The following DAB1 variants were observed in gnomAD, a reference collection of about 807,000 sequenced individuals.
DAB1 encodes the protein disabled homolog 1.
Under a neutral mutation model 64.6 loss-of-function variants are expected in DAB1, and 15 were observed. The ratio of observed to expected loss-of-function variants is 0.23; its 90% CI spans 0.16 to 0.36. DAB1 has a LOEUF of 0.36. Ranked by LOEUF, DAB1 falls within the 10% of genes least tolerant of loss-of-function variation. The pLI is 1.00. For synonymous variants in DAB1, 235 were observed against 251.9 expected (o/e 0.93, Z 0.64); for missense variants, 596 against 706.7 (o/e 0.84, Z 1.78).
chr1:58,066,121 T>C (rs1357731917), intron 5 of DAB1, among the ~76,000 whole-genome samples: 1 of 152,118 alleles, frequency 6.6e-6, no homozygotes, highest in Non-Finnish European at 1.5e-5. Flanking sequence ...CTAAATAAGA[T>C]GGGGAAGAGC....
intron 5 of DAB1, among the ~76,000 whole-genome samples, chr1:58,043,012 A>C (rs537252252): frequency 1.3e-5 from 2 of 152,352 alleles, no homozygotes; most frequent in Admixed American, 6.5e-5. Context: ...CATCAGTAGG[A>C]AAGTTTATCC....
chr1:57,251,396 G>A (rs1315256065), intron 2 of DAB1, among the ~76,000 whole-genome samples: 3 of 152,210 alleles, frequency 2.0e-5, no homozygotes, highest in Non-Finnish European at 4.4e-5. Context: ...TGGTGAGGAT[G>A]TACACCGTTT....
intron 4 of DAB1, among the ~76,000 whole-genome samples, chr1:57,085,721 C>T (rs1000532385): frequency 6.6e-6 from 1 of 152,232 alleles, no homozygotes; most frequent in African/African-American, 2.4e-5. Context: ...CAGGAAAGTG[C>T]TCCCATGTTC....
chr1:57,525,282 A>C (rs866949647), intron 7 of DAB1, among the ~76,000 whole-genome samples: 2 of 152,332 alleles, frequency 1.3e-5, no homozygotes, highest in African/African-American at 4.8e-5. Context: ...TCCATACAGG[A>C]GCAGAATATG....
chr1:58,517,812 A>C (rs1302918289), intron 2 of DAB1, among the ~76,000 whole-genome samples: 4 of 152,038 alleles, frequency 2.6e-5, no homozygotes, highest in Non-Finnish European at 4.4e-5. Context: ...GTCAATCCAA[A>C]GTAGGGGATT....
At chr1:57,650,693 T>C (rs1646246349) in intron 6 of DAB1, among the ~76,000 whole-genome samples, 1 of 152,198 alleles carries the variant, frequency 6.6e-6, no homozygotes, top group South Asian at 2.1e-4. Context: ...AGAGCATGCA[T>C]TATTTTTCCA....
At chr1:57,996,092 C>G (rs1175615162) in intron 5 of DAB1, among the ~76,000 whole-genome samples, 1 of 152,026 alleles carries the variant, frequency 6.6e-6, no homozygotes, top group East Asian at 1.9e-4. Context: ...AACCCCGTCT[C>G]TACTAAAAAT....
intron 2 of DAB1, among the ~76,000 whole-genome samples, chr1:57,243,750 C>T (rs559865363): frequency 3.3e-5 from 5 of 152,182 alleles, no homozygotes; most frequent in African/African-American, 7.2e-5. Flanking sequence ...GCACTGCCTA[C>T]ACCATGAGAC....
intron 5 of DAB1, among the ~76,000 whole-genome samples, chr1:58,103,260 T>C (rs1218897707): frequency 6.6e-6 from 1 of 152,112 alleles, no homozygotes; most frequent in East Asian, 1.9e-4. Context: ...ATAAAAAAAC[T>C]GAAAACACAA....
intron 7 of DAB1, among the ~76,000 whole-genome samples, chr1:57,610,651 G>A (rs974243994): frequency 2.0e-5 from 3 of 152,150 alleles, no homozygotes; most frequent in Non-Finnish European, 4.4e-5. Context: ...TACAATCATG[G>A]CAGAAGGCAC....
At chr1:57,541,566 C>G (rs1033088110) in intron 7 of DAB1, among the ~76,000 whole-genome samples, 1 of 152,076 alleles carries the variant, frequency 6.6e-6, no homozygotes, top group Non-Finnish European at 1.5e-5. Context: ...GATAAAACAC[C>G]CTTCTCCCCT....
At chr1:57,971,004 C>T (rs1333195835) in intron 5 of DAB1, among the ~76,000 whole-genome samples, 2 of 152,142 alleles carry the variant, frequency 1.3e-5, no homozygotes, top group African/African-American at 4.8e-5. Flanking sequence ...GGTTTCAGGA[C>T]ATTTTTGCTT....
At chr1:57,813,012 A>G (rs1157302540) in intron 6 of DAB1, among the ~76,000 whole-genome samples, 30 of 152,248 alleles carry the variant, frequency 2.0e-4, no homozygotes, top group Admixed American at 2.0e-3. Context: ...CATATCACAC[A>G]TTATATGTGT....
chr1:58,418,984 T>G (rs79482229), intron 3 of DAB1, among the ~76,000 whole-genome samples: 7 of 152,294 alleles, frequency 4.6e-5, no homozygotes, highest in African/African-American at 1.4e-4. Context: ...AGATAGATGT[T>G]AGGGTGAATT....
chr1:57,241,111 T>C (rs758116518), intron 2 of DAB1, among the ~76,000 whole-genome samples: 1 of 152,216 alleles, frequency 6.6e-6, no homozygotes, highest in African/African-American at 2.4e-5. Context: ...TTATTATTAA[T>C]CATAGTATCT....
chr1:57,387,838 A>AAAG (rs59597761), intron 1 of DAB1, among the ~76,000 whole-genome samples: 15 of 146,760 alleles, frequency 1.0e-4, no homozygotes, highest in African/African-American at 1.3e-4. Flanking sequence ...AAAAAAAAAA[A>AAAG]AGAGAGAGAA....
chr1:58,187,069 C>T (rs1489613370), intron 4 of DAB1, among the ~76,000 whole-genome samples: 2 of 152,100 alleles, frequency 1.3e-5, no homozygotes, highest in Non-Finnish European at 2.9e-5. Context: ...ACATATAACC[C>T]AACTTCATGG....
intron 5 of DAB1, among the ~76,000 whole-genome samples, chr1:58,062,799 C>A (rs1016213014): frequency 1.3e-5 from 2 of 152,206 alleles, no homozygotes; most frequent in African/African-American, 2.4e-5. Flanking sequence ...CGCCCTCACA[C>A]AGATGCGTCT....
intron 7 of DAB1, among the ~76,000 whole-genome samples, chr1:57,624,047 C>A (rs188703764): frequency 1.3e-5 from 2 of 152,262 alleles, no homozygotes; most frequent in Admixed American, 1.3e-4. Context: ...CTCTGGGGAC[C>A]CCAGGCAAGC....
Sources: allele counts gnomAD v4.1 joint callset (sites outside exome capture counted in the v4.1 genomes callset), GRCh38; gene constraint gnomAD v4.1.1; transcripts MANE v1.5; gene names NCBI Gene and HGNC (gene_info 2026-07-23, HGNC 2026-07-21).